Variants in FAM135B observed in about 807,000 individuals in gnomAD.
The protein encoded by FAM135B is family with sequence similarity 135 member B.
In FAM135B, 43 loss-of-function variants were observed where a neutral mutation model predicts 127.7. The observed-to-expected ratio is 0.34, with a 90% confidence interval of 0.26 to 0.43. The LOEUF (loss-of-function observed/expected upper bound fraction) is 0.43. FAM135B is among the 20% of genes least tolerant of loss of function. The pLI is 1.00. For missense variants in FAM135B, 1,558 were observed against 1,725.6 expected (o/e 0.90, Z 1.72); for synonymous variants, 670 against 665.1 (o/e 1.01, Z -0.11).
chr8:138,340,319 G>A (rs1025871909), intron 2 of FAM135B, among the ~76,000 whole-genome samples: 1 of 152,136 alleles, frequency 6.6e-6, no homozygotes, highest in Non-Finnish European at 1.5e-5. Context: ...AACAGGAAAC[G>A]ATCAGGGAGC....
chr8:138,178,451 A>T (rs1814694370), intron 10 of FAM135B, 84 bp downstream of exon 10: 1 of 1,518,718 alleles, frequency 6.6e-7, no homozygotes, highest in Admixed American at 1.7e-5. Context: ...GGCCAATCCT[A>T]ATGCTTGATC....
chr8:138,166,813 T>C (rs1819970190), intron 12 of FAM135B, among the ~76,000 whole-genome samples: 1 of 152,148 alleles, frequency 6.6e-6, no homozygotes, highest in Non-Finnish European at 1.5e-5. Flanking sequence ...AAAGAATAAA[T>C]GTCTGCAAAG....
At position 138,141,276 on chromosome 8, in the gene FAM135B, T is replaced by G; in HGVS notation, c.3712A>C (p.Asn1238His). The change falls in exon 17 of 20, where the codon AAC becomes CAC. Residue 1238 changes from asparagine (N) to histidine (H), a missense_variant. This residue lies in a region of FAM135B where 194 missense variants were observed against 333.8 expected (regional missense o/e 0.58). Transcript: ENST00000395297. The surrounding 1 kb of genome is among the most constrained non-coding windows in gnomAD (Gnocchi z 4.7). ...AGTGACAGGAACGTGTGGAGTTTGTTGAGGTAATACCGGAACCGGGGCCGT... is the reference window on the plus strand; with the variant it reads ...AGTGACAGGAACGTGTGGAGTTTGTGGAGGTAATACCGGAACCGGGGCCGT... ...LTRPRFRYYL[N>H]KLHTFLSLSG... 1.2e-6 allele frequency: 2 copies of G among 1,614,070 alleles called. No individual in the cohort carries two copies. Among genetic ancestry groups the G allele is most frequent in the Middle Eastern group, 3.3e-4 (2 of 6,062 alleles).
At chr8:138,153,960 T>C (rs534341380) in intron 12 of FAM135B, among the ~76,000 whole-genome samples, 48 of 152,300 alleles carry the variant, frequency 3.2e-4, no homozygotes, top group Admixed American at 2.6e-3. Flanking sequence ...GCACGGAGTT[T>C]GAAATCTGAG....
chr8:138,437,761 C>T (rs1397147018), intron 1 of FAM135B: 1 of 152,110 alleles, frequency 6.6e-6, no homozygotes, highest in Non-Finnish European at 1.5e-5. Context: ...GAAGATAAGA[C>T]TTATTTCACA....
chr8:138,448,420 A>G (rs2131579428), intron 1 of FAM135B, among the ~76,000 whole-genome samples: 1 of 152,282 alleles, frequency 6.6e-6, no homozygotes, highest in Admixed American at 6.5e-5. Flanking sequence ...TTTTTTCCTT[A>G]GATTAGCTTG....
At chr8:138,245,760 C>G (rs894275800) in intron 6 of FAM135B, among the ~76,000 whole-genome samples, 1 of 152,016 alleles carries the variant, frequency 6.6e-6, no homozygotes, top group Non-Finnish European at 1.5e-5. Flanking sequence ...GAGTAACAGG[C>G]AGAGGTTGGA....
chr8:138,365,182 A>C (rs1281999206), intron 2 of FAM135B, among the ~76,000 whole-genome samples: 1 of 152,160 alleles, frequency 6.6e-6, no homozygotes, highest in African/African-American at 2.4e-5. Context: ...AAAAAACATT[A>C]GAGTGGTTCC....
intron 13 of FAM135B, 136 bp from the exon 14 acceptor site, chr8:138,148,822 C>T (rs1817867832): frequency 5.1e-6 from 3 of 593,606 alleles, no homozygotes; most frequent in Non-Finnish European, 8.7e-6. Flanking sequence ...ACTTGAGCCC[C>T]CAGGGAACAT....
chr8:138,207,469 C>T (rs1007750674), intron 7 of FAM135B, among the ~76,000 whole-genome samples: 1 of 152,154 alleles, frequency 6.6e-6, no homozygotes, highest in Non-Finnish European at 1.5e-5. Flanking sequence ...CTTGGCCTCC[C>T]AAAATGCTGG....
At chr8:138,178,152 G>C (rs1814658671) in intron 10 of FAM135B, among the ~76,000 whole-genome samples, 2 of 152,014 alleles carry the variant, frequency 1.3e-5, no homozygotes, top group Non-Finnish European at 2.9e-5. Flanking sequence ...GGAGGCTGAG[G>C]CAGGGGAATT....
chr8:138,135,367 T>C (rs375745374), intron 19 of FAM135B, among the ~76,000 whole-genome samples: 2 of 152,196 alleles, frequency 1.3e-5, no homozygotes, highest in African/African-American at 2.4e-5. Flanking sequence ...AACCAGATCA[T>C]TGACTCTTTA....
chr8:138,180,114 C>A (rs1216439789), intron 9 of FAM135B, among the ~76,000 whole-genome samples: 1 of 152,126 alleles, frequency 6.6e-6, no homozygotes, highest in African/African-American at 2.4e-5. Context: ...ACCAGGAGAA[C>A]CATCTTTTGG....
chr8:138,289,537 G>A lies in FAM135B; in HGVS notation c.157+21304C>T, dbSNP rs141909525. Among the ~76,000 whole-genome samples, 368 of 152,292 alleles carry A rather than the reference G, an allele frequency of 2.4e-3. 1 individual carries two copies. Among genetic ancestry groups the A allele is most frequent in the African/African-American group, 8.3e-3 (343 of 41,562 alleles). ...TCGGTGGTATCTTCCCAGGAGACCC[G>A]CTTAGCGCAAGGAGGAAACTTGCAT... On this transcript the variant is annotated intron_variant, in intron 3 of 19. Coordinates refer to ENST00000395297, the MANE Select transcript of FAM135B (RefSeq NM_015912.4).
intron 3 of FAM135B, among the ~76,000 whole-genome samples, chr8:138,273,859 G>A (rs577584830): frequency 5.3e-5 from 8 of 152,060 alleles, no homozygotes; most frequent in African/African-American, 1.2e-4. Flanking sequence ...TATTTTCTCC[G>A]TTACTAGCTG....
Position 138,243,527 on chromosome 8 carries a change from G to A in FAM135B, c.543-459C>T, listed in dbSNP as rs189943117. Among the ~76,000 whole-genome samples, 38 of 152,222 alleles carry A rather than the reference G, an allele frequency of 2.5e-4. No homozygotes were observed. Among genetic ancestry groups the A allele is most frequent in the Admixed American group, 1.3e-3 (20 of 15,290 alleles). On this transcript the variant is annotated intron_variant, in intron 6 of 19. Transcript: ENST00000395297. The surrounding 1 kb of genome is among the most constrained non-coding windows in gnomAD (Gnocchi z 7.5). ...CATAAAACATCTTCCTCCATGATCC[G>A]CATGAGAGTCTAATACGATGTCAAA...
At chr8:138,409,879 CAAAAAA>C (rs10543075) in intron 1 of FAM135B, among the ~76,000 whole-genome samples, 3 of 78,436 alleles carry the variant, frequency 3.8e-5, no homozygotes, top group Non-Finnish European at 2.5e-5. Context: ...GACTCCGTCT[CAAAAAA>C]AAAAAAAAAA....
chr8:138,400,460 C>T (rs181847981), intron 1 of FAM135B, among the ~76,000 whole-genome samples: 11 of 152,198 alleles, frequency 7.2e-5, no homozygotes, highest in Admixed American at 6.5e-4. Flanking sequence ...GGATCTCTCC[C>T]AGTTTATCCC....
At chr8:138,165,262 A>C (rs1355175311) in intron 12 of FAM135B, among the ~76,000 whole-genome samples, 5 of 151,854 alleles carry the variant, frequency 3.3e-5, no homozygotes, top group Non-Finnish European at 7.4e-5. Flanking sequence ...CTGGGATTAC[A>C]GGCATGTGCC....
Sources: gnomAD v4.1 joint callset for allele counts (sites outside exome capture counted in the v4.1 genomes callset) on GRCh38, gnomAD v4.1.1 for gene constraint, gnomAD v4.1.1 regional missense constraint, Gnocchi (gnomAD v3.1) non-coding constraint, MANE v1.5 for transcripts, NCBI Gene and HGNC (gene_info 2026-07-23, HGNC 2026-07-21) for gene names.